The following CADM2 variants were observed in gnomAD, a reference collection of about 807,000 sequenced individuals.
The protein encoded by CADM2 is immunoglobulin superfamily member 4D.
A neutral mutation model predicts 49.8 loss-of-function variants in CADM2; 12 were observed. That is an observed-to-expected ratio of 0.24 (90% CI 0.15 to 0.39). CADM2 has a LOEUF of 0.39. CADM2 is among the 10% of genes least tolerant of loss of function. CADM2 has a pLI of 1.00. For synonymous variants in CADM2, 214 were observed against 175.4 expected, an observed-to-expected ratio of 1.22 and a Z score of -1.74; for missense variants, 378 against 492.3, an observed-to-expected ratio of 0.77 and a Z score of 2.20.
rs529415775 is a variant in CADM2, at chr3:85,610,017, T to C, written c.62-116505T>C. 9.6e-4 allele frequency among the ~76,000 whole-genome samples: 146 copies of C among 152,152 alleles called. 1 individual carries two copies. The highest frequency in any genetic ancestry group is 3.4e-3 in the Middle Eastern group (1 of 294). ...ATATTTCCGCTGTATTTATGACATGTTTAGTCCCCAAATCTGATTTAATTA... is the reference window on the plus strand; with the variant it reads ...ATATTTCCGCTGTATTTATGACATGCTTAGTCCCCAAATCTGATTTAATTA... On this transcript the variant is annotated intron_variant, in intron 1 of 9. Coordinates refer to ENST00000383699, the MANE Select transcript of CADM2 (RefSeq NM_001167675.2).
At chr3:85,494,184 A>C (rs1334221891) in intron 1 of CADM2, among the ~76,000 whole-genome samples, 1 of 151,782 alleles carries the variant, frequency 6.6e-6, no homozygotes, top group African/African-American at 2.4e-5. Context: ...TTTAAAAAGA[A>C]AAGAAATTAG....
At chr3:84,959,812 G>T in intron 1 of CADM2, 144 bp downstream of exon 1, 2 of 768,512 alleles carry the variant, frequency 2.6e-6, no homozygotes, top group South Asian at 3.3e-5. Flanking sequence ...GGTGCGGCAG[G>T]GGGCAGTGGC....
intron 1 of CADM2, among the ~76,000 whole-genome samples, chr3:85,582,908 A>G (rs934083098): frequency 2.0e-5 from 3 of 152,094 alleles, no homozygotes; most frequent in Non-Finnish European, 4.4e-5. Context: ...TCATTTACTT[A>G]CCTTCTCTGA....
intron 7 of CADM2, among the ~76,000 whole-genome samples, chr3:85,944,241 G>T (rs867502340): frequency 1.3e-5 from 2 of 151,822 alleles, no homozygotes; most frequent in Non-Finnish European, 2.9e-5. Flanking sequence ...ATATATATGC[G>T]CCCAATACAG....
intron 8 of CADM2, among the ~76,000 whole-genome samples, chr3:86,003,322 C>T (rs909091512): frequency 5.9e-5 from 9 of 152,184 alleles, no homozygotes; most frequent in African/African-American, 7.2e-5. Flanking sequence ...CCAATTCAAA[C>T]TGATGCTCCT....
chr3:85,496,029 T>A (rs7614552), intron 1 of CADM2, among the ~76,000 whole-genome samples: 90,254 of 151,876 alleles, frequency 0.59, 28,294 homozygotes, highest in East Asian at 0.93. Context: ...TCTTATTTTT[T>A]AAAAAATCTA....
intron 1 of CADM2, among the ~76,000 whole-genome samples, chr3:85,264,840 T>C (rs544471211): frequency 1.3e-4 from 20 of 152,172 alleles, no homozygotes; most frequent in Admixed American, 1.3e-3. Context: ...TTTTAAATAA[T>C]GGTTATGTTT....
chr3:84,986,218 C>T (rs1453469520), intron 1 of CADM2, among the ~76,000 whole-genome samples: 1 of 152,130 alleles, frequency 6.6e-6, no homozygotes, highest in African/African-American at 2.4e-5. Flanking sequence ...TGTTTTTCTG[C>T]AAGACATTAA....
intron 1 of CADM2, among the ~76,000 whole-genome samples, chr3:85,383,502 CCATATATATATATGTATA>C (rs1351564254): frequency 1.0e-4 from 10 of 97,066 alleles, no homozygotes; most frequent in Non-Finnish European, 2.0e-4. Flanking sequence ...ATACATAAAA[CCATATATATATATGTATA>C]TATATATATA....
At chr3:86,021,311 T>G (rs1733141956) in intron 8 of CADM2, among the ~76,000 whole-genome samples, 1 of 152,010 alleles carries the variant, frequency 6.6e-6, no homozygotes, top group Non-Finnish European at 1.5e-5. Flanking sequence ...AAACTGCTTT[T>G]TTGTATCCAT....
intron 1 of CADM2, among the ~76,000 whole-genome samples, chr3:85,554,367 C>T (rs6549038): frequency 0.87 from 132,865 of 152,144 alleles, 58,166 homozygotes; most frequent in East Asian, 0.95. Flanking sequence ...CCTGCTGTGT[C>T]GCTTGGTTCC....
chr3:84,986,764 T>TA (rs34829701), intron 1 of CADM2, among the ~76,000 whole-genome samples: 35,002 of 146,588 alleles, frequency 0.24, 5,149 homozygotes, highest in Non-Finnish European at 0.34. Flanking sequence ...AATAATAAAA[T>TA]AAAAAAAAAA....
chr3:85,856,098 G>A (rs891591065), intron 3 of CADM2, among the ~76,000 whole-genome samples: 3 of 152,090 alleles, frequency 2.0e-5, no homozygotes, highest in African/African-American at 7.2e-5. Flanking sequence ...CTTTTTGCTA[G>A]AGTTTAGTGG....
Position 86,069,109 on chromosome 3 carries a change from A to G in CADM2, c.*2326A>G, listed in dbSNP as rs146522088. On this transcript the variant is annotated 3_prime_UTR_variant, in exon 10 of 10. Transcript: ENST00000383699. ...GCCTAATTTCAGGATGCACTTACAA[A>G]ATTGCTACTCTTCATCGATGCCGTA... is the stretch of plus-strand genomic sequence containing the variant. The G allele has an allele frequency of 6.6e-6, 1 of 152,034 alleles. No homozygotes were observed. Among genetic ancestry groups the G allele is most frequent in the African/African-American group, 2.4e-5 (1 of 41,536 alleles). 9.4% of individuals were successfully genotyped at this position (152,034 alleles called of 1,614,324 possible).
intron 1 of CADM2, among the ~76,000 whole-genome samples, chr3:85,046,672 A>C (rs977682612): frequency 1.3e-5 from 2 of 152,112 alleles, no homozygotes; most frequent in African/African-American, 4.8e-5. Context: ...AATATAATTT[A>C]GAAAAATTAT....
chr3:85,617,379 A>G (rs561522701), intron 1 of CADM2, among the ~76,000 whole-genome samples: 56 of 152,300 alleles, frequency 3.7e-4, no homozygotes, highest in African/African-American at 1.3e-3. Context: ...ATAAACAGCC[A>G]GATAAAGCAA....
At chr3:85,183,205 A>T (rs967470419) in intron 1 of CADM2, among the ~76,000 whole-genome samples, 2 of 152,142 alleles carry the variant, frequency 1.3e-5, no homozygotes, top group African/African-American at 2.4e-5. Flanking sequence ...AAGTATGGTT[A>T]TGCATCTGAG....
chr3:85,741,646 C>A lies in CADM2; in HGVS notation c.88+15098C>A, dbSNP rs150043939. Among the ~76,000 whole-genome samples the A allele has an allele frequency of 5.2e-3, 785 of 152,152 alleles. 11 individuals are homozygous for A. The highest frequency in any genetic ancestry group is 0.018 in the African/African-American group (736 of 41,518). On this transcript the variant is annotated intron_variant, in intron 2 of 9. Transcript: ENST00000383699. The stretch of plus-strand genomic sequence containing the variant: ...TCGTGCCATTGCACTCCAGCCTGGG[C>A]GACAGGCAAGACTCTGTCTCAGAAA...
At chr3:85,711,760 A>G (rs1347828559) in intron 1 of CADM2, among the ~76,000 whole-genome samples, 1 of 152,204 alleles carries the variant, frequency 6.6e-6, no homozygotes, top group African/African-American at 2.4e-5. Context: ...AAATAAACAC[A>G]AACACAAATA....
Sources: gnomAD v4.1 joint callset for allele counts (sites outside exome capture counted in the v4.1 genomes callset) on GRCh38, gnomAD v4.1.1 for gene constraint, MANE v1.5 for transcripts, NCBI Gene and HGNC (gene_info 2026-07-23, HGNC 2026-07-21) for gene names.